The following DIP2C variants were observed in gnomAD, a reference collection of about 807,000 sequenced individuals.
The protein encoded by DIP2C is disco-interacting protein 2 homolog C.
Under a neutral mutation model 192.4 loss-of-function variants are expected in DIP2C, and 33 were observed. That is an observed-to-expected ratio of 0.17 (90% confidence interval 0.13 to 0.23). DIP2C has a LOEUF of 0.23. DIP2C is among the 10% of genes least tolerant of loss of function. DIP2C has a pLI of 1.00. For missense variants in DIP2C, 1,537 were observed against 2,110.1 expected, an observed-to-expected ratio of 0.73 and a Z score of 5.32; for synonymous variants, 979 against 864.1, an observed-to-expected ratio of 1.13 and a Z score of -2.33.
At chr10:627,564 C>A (rs748825884) in intron 1 of DIP2C, among the ~76,000 whole-genome samples, 1 of 152,220 alleles carries the variant, frequency 6.6e-6, no homozygotes, top group African/African-American at 2.4e-5. Flanking sequence ...CCCAGAAGTG[C>A]AGTAATTAGT....
intron 2 of DIP2C, among the ~76,000 whole-genome samples, chr10:483,027 G>A (rs1238120800): frequency 6.6e-6 from 1 of 152,132 alleles, no homozygotes; most frequent in Non-Finnish European, 1.5e-5. Flanking sequence ...ACTAGATTTA[G>A]GCAGGTGCTC....
chr10:421,728 G>GA (rs1966195175), intron 5 of DIP2C, among the ~76,000 whole-genome samples: 1 of 152,094 alleles, frequency 6.6e-6, no homozygotes, highest in East Asian at 1.9e-4. Context: ...TTCTGAGAGA[G>GA]AAAAAAGAAA....
intron 1 of DIP2C, among the ~76,000 whole-genome samples, chr10:537,307 G>C (rs143073552): frequency 2.6e-5 from 4 of 152,118 alleles, no homozygotes; most frequent in South Asian, 2.1e-4. Context: ...CTGTGATTTC[G>C]GGGTAAATGA....
chr10:550,769 G>A (rs750786677), intron 1 of DIP2C, among the ~76,000 whole-genome samples: 1 of 152,176 alleles, frequency 6.6e-6, no homozygotes, highest in Admixed American at 6.5e-5. Context: ...AATTGCCAGA[G>A]TTGCAATAAA....
At chr10:486,969 G>A (rs182911380) in intron 1 of DIP2C, among the ~76,000 whole-genome samples, 138 of 152,328 alleles carry the variant, frequency 9.1e-4, no homozygotes, top group Middle Eastern at 3.4e-3. Flanking sequence ...CAAGCAGGTC[G>A]GTCACAAGGA....
chr10:486,684 T>A (rs556569543), intron 1 of DIP2C, 154 bp from the exon 2 acceptor site: 2 of 528,456 alleles, frequency 3.8e-6, no homozygotes, highest in African/African-American at 2.0e-5. Context: ...CAACTTCAGT[T>A]CCTCCCCTGC....
chr10:429,666 A>G (rs1046034652), intron 4 of DIP2C, among the ~76,000 whole-genome samples: 2 of 151,530 alleles, frequency 1.3e-5, no homozygotes, highest in Non-Finnish European at 2.9e-5. Context: ...CATATTGCTA[A>G]GTGAAAGAAG....
At chr10:573,567 A>G (rs1448883176) in intron 1 of DIP2C, among the ~76,000 whole-genome samples, 1 of 151,788 alleles carries the variant, frequency 6.6e-6, no homozygotes, top group Non-Finnish European at 1.5e-5. Flanking sequence ...CAACCCTCAC[A>G]CCCAGCTAAT....
intron 1 of DIP2C, among the ~76,000 whole-genome samples, chr10:658,025 ACCTGCCCTTGGACCTGTCC>A (rs1168584276): frequency 4.7e-5 from 7 of 148,484 alleles, no homozygotes; most frequent in African/African-American, 1.5e-4. Flanking sequence ...CTGCCCCTGG[ACCTGCCCTTGGACCTGTCC>A]CTGGACCTGT....
intron 31 of DIP2C, among the ~76,000 whole-genome samples, chr10:318,173 CCA>C (rs528351036): frequency 8.9e-4 from 136 of 152,286 alleles, no homozygotes; most frequent in African/African-American, 3.1e-3. Context: ...GCCACCGCTG[CCA>C]CACTTTGGTC....
intron 1 of DIP2C, among the ~76,000 whole-genome samples, chr10:508,605 G>A (rs778333406): frequency 1.3e-5 from 2 of 152,186 alleles, no homozygotes; most frequent in African/African-American, 2.4e-5. Flanking sequence ...AGGACTCTCT[G>A]GGATGGATGG....
At chr10:337,079 A>G (rs1458912154) in intron 29 of DIP2C, among the ~76,000 whole-genome samples, 24 of 16,068 alleles carry the variant, frequency 1.5e-3, no homozygotes, top group Non-Finnish European at 1.8e-3. Context: ...TGTGTTGTGG[A>G]GGCCTAGACT....
At chr10:420,100 GA>G (rs1184628503) in intron 5 of DIP2C, among the ~76,000 whole-genome samples, 2 of 152,214 alleles carry the variant, frequency 1.3e-5, no homozygotes, top group Non-Finnish European at 2.9e-5. Context: ...CCACGCAACA[GA>G]AGGGCGGTAC....
At chr10:606,031 G>A (rs1022670337) in intron 1 of DIP2C, among the ~76,000 whole-genome samples, 1 of 152,188 alleles carries the variant, frequency 6.6e-6, no homozygotes, top group East Asian at 1.9e-4. Flanking sequence ...TCCACGCCGG[G>A]GTCCGACTGT....
intron 1 of DIP2C, among the ~76,000 whole-genome samples, chr10:511,555 G>A (rs1444110750): frequency 6.6e-6 from 1 of 152,168 alleles, no homozygotes; most frequent in Non-Finnish European, 1.5e-5. Context: ...ACGTCTTCCA[G>A]GTTCATTTTA....
Position 342,982 on chromosome 10 carries a change from A to G in DIP2C, c.3454-1653T>C, listed in dbSNP as rs568818543. ...TCAAAGCAGCATACAAAATGGTCTGATTTTTGCGGTTTTAAAACACGTCAC... is the reference window on the plus strand; with the variant it reads ...TCAAAGCAGCATACAAAATGGTCTGGTTTTTGCGGTTTTAAAACACGTCAC... On this transcript the variant is annotated intron_variant, in intron 28 of 36. Transcript: ENST00000280886. 1.4e-3 allele frequency among the ~76,000 whole-genome samples: 220 copies of G among 152,276 alleles called. 1 individual carries two copies. The highest frequency in any genetic ancestry group is 2.6e-3 in the Non-Finnish European group (179 of 68,020).
intron 1 of DIP2C, among the ~76,000 whole-genome samples, chr10:487,334 A>C (rs946554746): frequency 5.9e-5 from 9 of 152,214 alleles, no homozygotes; most frequent in Admixed American, 1.3e-4. Context: ...AAGCTTTAAC[A>C]AAAATATAGC....
intron 9 of DIP2C, among the ~76,000 whole-genome samples, chr10:402,073 ATGTGTGGTAG>A (rs1376608758): frequency 9.7e-5 from 2 of 20,574 alleles, no homozygotes; most frequent in Non-Finnish European, 2.0e-4. Context: ...GTGATTTTAC[ATGTGTGGTAG>A]CATTAGCATT....
At chr10:458,689 C>T (rs957979746) in intron 3 of DIP2C, among the ~76,000 whole-genome samples, 3 of 150,464 alleles carry the variant, frequency 2.0e-5, no homozygotes, top group Middle Eastern at 3.5e-3. Flanking sequence ...TCACCAGCAG[C>T]GCATGGCAGA....
Sources: gnomAD v4.1 joint callset for allele counts (sites outside exome capture counted in the v4.1 genomes callset) on GRCh38, gnomAD v4.1.1 for gene constraint, MANE v1.5 for transcripts, NCBI Gene and HGNC (gene_info 2026-07-23, HGNC 2026-07-21) for gene names.